Variants in RBFOX1 observed in about 807,000 individuals in gnomAD.
RBFOX1 encodes RNA binding protein fox-1 homolog 1.
A neutral mutation model predicts 57.7 loss-of-function variants in RBFOX1; 8 were observed. The ratio of observed to expected loss-of-function variants is 0.14; its 90% CI spans 0.08 to 0.25. The LOEUF is 0.25. RBFOX1 is among the 10% of genes least tolerant of loss of function. RBFOX1 has a pLI of 1.00. For synonymous variants in RBFOX1, 326 were observed against 222.4 expected (o/e 1.47, Z -4.15); for missense variants, 611 against 548.5 (o/e 1.11, Z -1.14).
rs193250049 is a variant in RBFOX1, at chr16:5,831,700, G to T, written c.319-35603G>T. Among the ~76,000 whole-genome samples the T allele has an allele frequency of 9.5e-4, 144 of 152,062 alleles. 2 individuals are homozygous for T. Among genetic ancestry groups the T allele is most frequent in the African/African-American group, 3.4e-3 (139 of 41,474 alleles). On this transcript the variant is annotated intron_variant, in intron 3 of 19. Transcript: ENST00000641259. ...GACGGGGTTTCACCATGTTGGAGAG[G>T]CTGGGATTACAGGTGTGAGCCACTG...
At chr16:5,992,660 G>A (rs1205893847) in intron 4 of RBFOX1, among the ~76,000 whole-genome samples, 2 of 152,308 alleles carry the variant, frequency 1.3e-5, no homozygotes, top group African/African-American at 4.8e-5. Flanking sequence ...GTGGTCAGGC[G>A]TGGTGGCTCA....
chr16:7,298,373 C>T (rs1002029704), intron 4 of RBFOX1, among the ~76,000 whole-genome samples: 1 of 149,668 alleles, frequency 6.7e-6, no homozygotes, highest in African/African-American at 2.5e-5. Flanking sequence ...ACCGCAGCCT[C>T]CGCCTCCTGG....
chr16:7,473,270 C>G (rs932697510), intron 4 of RBFOX1, among the ~76,000 whole-genome samples: 3 of 151,790 alleles, frequency 2.0e-5, no homozygotes, highest in African/African-American at 4.8e-5. Context: ...CCCAGCTACT[C>G]AGGAGGCTGA....
intron 2 of RBFOX1, among the ~76,000 whole-genome samples, chr16:5,542,979 G>A (rs4643320): frequency 0.74 from 112,157 of 152,060 alleles, 41,796 homozygotes; most frequent in East Asian, 0.99. Context: ...GCCAGAGTTG[G>A]AAAACCTCAC....
At chr16:5,625,391 G>T (rs2048318780) in intron 3 of RBFOX1, among the ~76,000 whole-genome samples, 2 of 152,076 alleles carry the variant, frequency 1.3e-5, no homozygotes, top group African/African-American at 4.8e-5. Flanking sequence ...GGCACAGAGA[G>T]GTCAAGAACG....
At chr16:7,258,561 C>T (rs2094790167) in intron 4 of RBFOX1, among the ~76,000 whole-genome samples, 1 of 152,078 alleles carries the variant, frequency 6.6e-6, no homozygotes, top group South Asian at 2.1e-4. Context: ...AGTACTGGCA[C>T]ATCTGTAATT....
chr16:6,930,317 A>C (rs1464761541), intron 3 of RBFOX1, among the ~76,000 whole-genome samples: 1 of 152,234 alleles, frequency 6.6e-6, no homozygotes, highest in Non-Finnish European at 1.5e-5. Context: ...CAATATGCAC[A>C]TAAGAAGATA....
At chr16:5,518,377 C>G (rs2043873822) in intron 2 of RBFOX1, among the ~76,000 whole-genome samples, 1 of 152,134 alleles carries the variant, frequency 6.6e-6, no homozygotes, top group African/African-American at 2.4e-5. Flanking sequence ...CTCACCATTG[C>G]CCTTCATCAC....
chr16:6,225,637 A>G (rs1039931876), intron 1 of RBFOX1, among the ~76,000 whole-genome samples: 1 of 152,230 alleles, frequency 6.6e-6, no homozygotes, highest in Non-Finnish European at 1.5e-5. Context: ...ATTGCTCACA[A>G]TACAATATAA....
At chr16:5,770,977 C>T (rs2151675822) in intron 3 of RBFOX1, among the ~76,000 whole-genome samples, 1 of 152,284 alleles carries the variant, frequency 6.6e-6, no homozygotes, top group African/African-American at 2.4e-5. Context: ...TGGCCACGAC[C>T]CTTTTTGCTG....
chr16:6,556,911 G>A (rs1466493403), intron 2 of RBFOX1, among the ~76,000 whole-genome samples: 1 of 151,116 alleles, frequency 6.6e-6, no homozygotes, highest in Non-Finnish European at 1.5e-5. Context: ...TGATCACAGA[G>A]TTGAGGTTTT....
At chr16:5,321,405 C>T (rs1003318621) in intron 1 of RBFOX1, among the ~76,000 whole-genome samples, 31 of 152,094 alleles carry the variant, frequency 2.0e-4, no homozygotes, top group South Asian at 1.0e-3. Flanking sequence ...CTGCCAGCTC[C>T]GCCTCCTGGG....
intron 1 of RBFOX1, among the ~76,000 whole-genome samples, chr16:6,302,142 A>G (rs949604073): frequency 7.9e-5 from 12 of 152,082 alleles, no homozygotes; most frequent in Non-Finnish European, 1.6e-4. Flanking sequence ...AAATCATGCT[A>G]TGAAGAAAGT....
At chr16:6,626,686 G>A (rs528126917) in intron 2 of RBFOX1, among the ~76,000 whole-genome samples, 1 of 152,100 alleles carries the variant, frequency 6.6e-6, no homozygotes, top group African/African-American at 2.4e-5. Context: ...CTTGAACCCG[G>A]GAGACAGAGG....
intron 4 of RBFOX1, among the ~76,000 whole-genome samples, chr16:5,966,569 C>G (rs973476732): frequency 6.6e-6 from 1 of 152,220 alleles, no homozygotes; most frequent in South Asian, 2.1e-4. Flanking sequence ...GCAATTCTGC[C>G]TCAGCCTCCC....
intron 3 of RBFOX1, among the ~76,000 whole-genome samples, chr16:5,755,486 G>A (rs1452430627): frequency 6.6e-6 from 1 of 152,192 alleles, no homozygotes; most frequent in East Asian, 1.9e-4. Context: ...GTGTTAGGTA[G>A]ACCAAAGCAG....
intron 4 of RBFOX1, among the ~76,000 whole-genome samples, chr16:7,289,566 C>T (rs2062498178): frequency 1.3e-5 from 2 of 152,078 alleles, no homozygotes; most frequent in South Asian, 4.2e-4. Flanking sequence ...TGATGATCAT[C>T]ATGATTATCA....
At chr16:6,760,261 A>T (rs967085199) in intron 3 of RBFOX1, among the ~76,000 whole-genome samples, 1 of 152,234 alleles carries the variant, frequency 6.6e-6, no homozygotes, top group African/African-American at 2.4e-5. Context: ...CAAATGGTTT[A>T]AAAAGGCAAT....
chr16:7,083,946 T>C (rs2059591370), intron 4 of RBFOX1, among the ~76,000 whole-genome samples: 1 of 151,990 alleles, frequency 6.6e-6, no homozygotes, highest in Admixed American at 6.6e-5. Context: ...CATGCAGCTG[T>C]TTTTTTCCTG....
Sources: gnomAD v4.1 joint callset for allele counts (sites outside exome capture counted in the v4.1 genomes callset) on GRCh38, gnomAD v4.1.1 for gene constraint, MANE v1.5 for transcripts, NCBI Gene and HGNC (gene_info 2026-07-23, HGNC 2026-07-21) for gene names.